Variants in PAX5 observed in about 807,000 individuals in gnomAD.
PAX5 encodes paired box 5.
A neutral mutation model predicts 43.7 loss-of-function variants in PAX5; 9 were observed. The ratio of observed to expected loss-of-function variants is 0.21; its 90% CI spans 0.12 to 0.36. PAX5 has a LOEUF of 0.36. Ranked by LOEUF, PAX5 falls within the 10% of genes least tolerant of loss-of-function variation. The pLI is 1.00. For missense variants in PAX5, 383 were observed against 532.7 expected (o/e 0.72, Z 2.77); for synonymous variants, 228 against 214.3 (o/e 1.06, Z -0.56).
intron 7 of PAX5, among the ~76,000 whole-genome samples, chr9:36,903,183 G>A (rs1454912183): frequency 6.6e-6 from 1 of 152,164 alleles, no homozygotes; most frequent in Admixed American, 6.5e-5. Flanking sequence ...TCCTTACCCT[G>A]GCACTTGGCC....
At chr9:37,009,723 G>A (rs1254228756) in intron 3 of PAX5, among the ~76,000 whole-genome samples, 1 of 152,052 alleles carries the variant, frequency 6.6e-6, no homozygotes, top group Admixed American at 6.6e-5. Flanking sequence ...TGTTTGAGGG[G>A]ATGCATACCC....
At chr9:37,023,579 C>T (rs1056480153) in intron 1 of PAX5, among the ~76,000 whole-genome samples, 3 of 152,104 alleles carry the variant, frequency 2.0e-5, no homozygotes, top group Non-Finnish European at 4.4e-5. Flanking sequence ...TTGCAGAGGC[C>T]CCTGAGGCCT....
chr9:36,987,226 C>G (rs1836510453), intron 5 of PAX5, among the ~76,000 whole-genome samples: 1 of 152,204 alleles, frequency 6.6e-6, no homozygotes, highest in South Asian at 2.1e-4. Context: ...CAGCCTAGAC[C>G]TGGGCACCTC....
chr9:36,989,613 C>T (rs770371673), intron 5 of PAX5, among the ~76,000 whole-genome samples: 2 of 152,178 alleles, frequency 1.3e-5, no homozygotes, highest in Non-Finnish European at 2.9e-5. Context: ...AGAAAGAGGA[C>T]CACAGGCACC....
At chr9:36,906,478 C>T (rs955772151) in intron 7 of PAX5, among the ~76,000 whole-genome samples, 5 of 152,182 alleles carry the variant, frequency 3.3e-5, no homozygotes, top group African/African-American at 9.7e-5. Flanking sequence ...GGCAAGGAAA[C>T]GAATTTTACC....
At chr9:36,917,495 A>T (rs113606861) in intron 7 of PAX5, among the ~76,000 whole-genome samples, 1,966 of 152,328 alleles carry the variant, frequency 0.013, 43 homozygotes, top group African/African-American at 0.045. Flanking sequence ...TTTGTTTTCT[A>T]AATATTGACT....
intron 9 of PAX5, among the ~76,000 whole-genome samples, chr9:36,844,550 T>C (rs972135642): frequency 6.6e-6 from 1 of 152,152 alleles, no homozygotes; most frequent in Non-Finnish European, 1.5e-5. Flanking sequence ...TTGCTTCCTT[T>C]TCCTCCTCTC....
At chr9:36,964,639 A>T (rs1365043432) in intron 6 of PAX5, among the ~76,000 whole-genome samples, 1 of 151,136 alleles carries the variant, frequency 6.6e-6, no homozygotes, top group Non-Finnish European at 1.5e-5. Context: ...CACATTCTGG[A>T]GGGAAGGACA....
chr9:36,924,722 AAAAG>A (rs10660797), intron 6 of PAX5, among the ~76,000 whole-genome samples: 1 of 89,126 alleles, frequency 1.1e-5, no homozygotes, highest in Non-Finnish European at 2.0e-5. Flanking sequence ...TCTGTCAAAA[AAAAG>A]AAAGAGGTGG....
At chr9:36,948,032 G>A (rs1832696410) in intron 6 of PAX5, among the ~76,000 whole-genome samples, 1 of 152,132 alleles carries the variant, frequency 6.6e-6, no homozygotes, top group African/African-American at 2.4e-5. Context: ...TCTCCCACGT[G>A]CCAGGCACTG....
rs115889954 is a variant in PAX5 at position 37,006,497 on chromosome 9, C to G, written c.451G>C (p.Val151Leu). The G allele has an allele frequency of 6.2e-7, 1 of 1,614,072 alleles. No homozygotes were observed. The highest frequency in any genetic ancestry group is 1.3e-5 in the African/African-American group (1 of 75,024). Residue 151 changes from valine to leucine, a missense_variant, in exon 4 of 10, where the codon GTC becomes CTC. Physicochemically the swap from Val to Leu is conservative, Grantham distance 32 (BLOSUM62 1). This residue lies in a region of PAX5 where 291 missense variants were observed against 342.5 expected (regional missense o/e 0.85). Transcript: ENST00000358127. ...CCTATGCTGTGACTGGAAGCTGGGA[C>G]TGGTTGGTTGGGTGGCTGCTGTACT... Reference protein sequence around the residue: ...TKVQQPPNQPVPASSHSIVST... With the variant: ...TKVQQPPNQPLPASSHSIVST...
chr9:36,851,045 C>G (rs893978697), intron 8 of PAX5, among the ~76,000 whole-genome samples: 1 of 152,212 alleles, frequency 6.6e-6, no homozygotes, highest in African/African-American at 2.4e-5. Flanking sequence ...TGCCATCAGG[C>G]CATCTGCTCA....
At chr9:36,991,802 T>A (rs1316870517) in intron 5 of PAX5, among the ~76,000 whole-genome samples, 1 of 152,096 alleles carries the variant, frequency 6.6e-6, no homozygotes, top group East Asian at 1.9e-4. Flanking sequence ...CTCATCACTT[T>A]CGTCCTCCAC....
At chr9:36,956,948 A>G (rs1229426627) in intron 6 of PAX5, among the ~76,000 whole-genome samples, 1 of 152,232 alleles carries the variant, frequency 6.6e-6, no homozygotes, top group Non-Finnish European at 1.5e-5. Context: ...AATCTTAAGC[A>G]GTTCAGTGAA....
chr9:36,850,598 T>C (rs1823063240), intron 8 of PAX5, among the ~76,000 whole-genome samples: 1 of 152,206 alleles, frequency 6.6e-6, no homozygotes, highest in Non-Finnish European at 1.5e-5. Flanking sequence ...ACCCACACTT[T>C]TGGCATCTCT....
chr9:36,919,345 T>G (rs950037980), intron 7 of PAX5, among the ~76,000 whole-genome samples: 1 of 152,178 alleles, frequency 6.6e-6, no homozygotes, highest in African/African-American at 2.4e-5. Context: ...TACAAGGAGA[T>G]GAATGTTGTT....
Position 37,034,108 on chromosome 9 carries a change from T to A in PAX5, c.-77A>T. 1.2e-6 allele frequency: 1 copy of A among 806,028 alleles called. No individual in the cohort carries two copies. The highest frequency in any genetic ancestry group is 1.9e-6 in the Non-Finnish European group (1 of 519,054). The allele number at this position is 806,028 out of a possible 1,614,324, so 49.9% of individuals were successfully genotyped here. A position where few individuals can be genotyped will look rare whatever the true frequency, so the allele number is the denominator to read the frequency against. The stretch of plus-strand genomic sequence containing the variant: ...TGTGCCTTTTTTTTTCTTTTTTTTT[T>A]TTTTTTTTTTTTTTTTTTGGTGCCA... On this transcript the variant is annotated 5_prime_UTR_variant, in exon 1 of 10. Transcript: ENST00000358127.
intron 6 of PAX5, among the ~76,000 whole-genome samples, chr9:36,963,236 GCA>G (rs1564015312): frequency 6.6e-6 from 1 of 152,176 alleles, no homozygotes; most frequent in African/African-American, 2.4e-5. Context: ...GTCTCAGAGC[GCA>G]CAGTCAGAGA....
intron 7 of PAX5, among the ~76,000 whole-genome samples, chr9:36,911,879 G>A (rs1829324954): frequency 6.6e-6 from 1 of 152,218 alleles, no homozygotes; most frequent in Admixed American, 6.5e-5. Context: ...AAACCAGCCT[G>A]GGCTCCCCAG....
Sources: gnomAD v4.1 joint callset for allele counts (sites outside exome capture counted in the v4.1 genomes callset) on GRCh38, gnomAD v4.1.1 for gene constraint, gnomAD v4.1.1 regional missense constraint, MANE v1.5 for transcripts, NCBI Gene and HGNC (gene_info 2026-07-23, HGNC 2026-07-21) for gene names.